The following TENM2 variants were observed in gnomAD, a reference collection of about 807,000 sequenced individuals.
The protein encoded by TENM2 is teneurin transmembrane protein 2, also known as teneurin-2.
In TENM2, 52 loss-of-function variants were observed where a neutral mutation model predicts 245.2. That is an observed-to-expected ratio of 0.21 (90% CI 0.17 to 0.27). The LOEUF is 0.27. Among genes scored for constraint, TENM2 ranks in the 10% least tolerant of loss-of-function variants. The pLI, the probability that TENM2 is intolerant of heterozygous loss-of-function variation, is 1.00. For missense variants in TENM2, 3,046 were observed against 3,666.8 expected, an observed-to-expected ratio of 0.83 and a Z score of 4.37; for synonymous variants, 1,363 against 1,438.9, an observed-to-expected ratio of 0.95 and a Z score of 1.19.
At chr5:167,797,428 C>T (rs1765398222) in intron 2 of TENM2, among the ~76,000 whole-genome samples, 1 of 152,136 alleles carries the variant, frequency 6.6e-6, no homozygotes, top group East Asian at 1.9e-4. Context: ...TAGGGAACTT[C>T]TTGTTTAGAA....
chr5:167,395,425 T>A (rs1428701562), intron 2 of TENM2, among the ~76,000 whole-genome samples: 1 of 152,180 alleles, frequency 6.6e-6, no homozygotes, highest in African/African-American at 2.4e-5. Context: ...TTTCTGCATA[T>A]AAGATTGTGT....
At chr5:167,653,365 C>T (rs908929539) in intron 2 of TENM2, 1 of 152,128 alleles carries the variant, frequency 6.6e-6, no homozygotes, top group Non-Finnish European at 1.5e-5. Context: ...AGACAATCCT[C>T]CCACCTTGGC....
At chr5:167,551,103 A>G (rs898991250) in intron 2 of TENM2, among the ~76,000 whole-genome samples, 6 of 152,206 alleles carry the variant, frequency 3.9e-5, no homozygotes, top group African/African-American at 1.4e-4. Context: ...TATGGTGATG[A>G]GAGATTAAAT....
the TENM2 span, among the ~76,000 whole-genome samples, chr5:167,079,473 C>G: frequency 6.6e-6 from 1 of 150,940 alleles, no homozygotes; most frequent in Non-Finnish European, 1.5e-5. Context: ...GCCACCATGC[C>G]TGGCAAATTT....
intron 2 of TENM2, among the ~76,000 whole-genome samples, chr5:167,467,528 A>AC (rs1427480165): frequency 2.0e-5 from 3 of 151,924 alleles, no homozygotes; most frequent in East Asian, 1.9e-4. Flanking sequence ...AAAAAAAAAA[A>AC]AAACAGTAAC....
chr5:167,507,618 CATGAGTAATA>C (rs1249368486), intron 2 of TENM2, among the ~76,000 whole-genome samples: 2 of 152,132 alleles, frequency 1.3e-5, no homozygotes, highest in East Asian at 3.9e-4. Context: ...GCACTAGTGT[CATGAGTAATA>C]ATGGCTTCCC....
chr5:168,189,557 C>A (rs1331842745), intron 13 of TENM2, among the ~76,000 whole-genome samples: 1 of 152,134 alleles, frequency 6.6e-6, no homozygotes, highest in African/African-American at 2.4e-5. Context: ...GAAGACAGAA[C>A]CAGAAACTAC....
At chr5:167,539,891 A>G (rs1772087623) in intron 2 of TENM2, among the ~76,000 whole-genome samples, 1 of 152,156 alleles carries the variant, frequency 6.6e-6, no homozygotes, top group South Asian at 2.1e-4. Flanking sequence ...GACCCTATTC[A>G]TTTCAGCTTC....
At chr5:167,853,655 C>T (rs1770812950) in intron 2 of TENM2, among the ~76,000 whole-genome samples, 1 of 152,172 alleles carries the variant, frequency 6.6e-6, no homozygotes, top group Non-Finnish European at 1.5e-5. Context: ...AATTTCTCCA[C>T]CCTTAATATG....
the TENM2 span, among the ~76,000 whole-genome samples, chr5:167,023,509 T>A: frequency 2.0e-5 from 3 of 152,206 alleles, no homozygotes; most frequent in Non-Finnish European, 4.4e-5. Context: ...AGACTCACCA[T>A]GTGAGCATAA....
At chr5:168,128,812 G>A (rs995005669) in intron 12 of TENM2, 4 of 152,202 alleles carry the variant, frequency 2.6e-5, no homozygotes, top group Admixed American at 6.5e-5. Flanking sequence ...ACAATGATAC[G>A]AAATTCACAT....
At chr5:166,979,260 G>C in the TENM2 span, among the ~76,000 whole-genome samples, 6 of 151,780 alleles carry the variant, frequency 4.0e-5, no homozygotes, top group Non-Finnish European at 8.8e-5. Context: ...ATCGAGCTCA[G>C]CGGCACAGCA....
intron 2 of TENM2, among the ~76,000 whole-genome samples, chr5:167,687,434 G>C (rs1352276380): frequency 6.6e-6 from 1 of 152,116 alleles, no homozygotes; most frequent in Non-Finnish European, 1.5e-5. Flanking sequence ...TGGAAGCATT[G>C]GGAGAGGGAA....
At chr5:167,205,779 C>A in the TENM2 span, among the ~76,000 whole-genome samples, 29 of 152,230 alleles carry the variant, frequency 1.9e-4, no homozygotes, top group African/African-American at 7.0e-4. Flanking sequence ...TATCAGCAAG[C>A]CTGCATCTCT....
chr5:167,143,069 C>G, the TENM2 span, among the ~76,000 whole-genome samples: 7 of 152,310 alleles, frequency 4.6e-5, 1 homozygote, highest in Admixed American at 2.0e-4. Context: ...ATTGCCCACA[C>G]TGTCCATTTG....
chr5:168,185,870 GGTTATA>G (rs1760343783), intron 13 of TENM2, among the ~76,000 whole-genome samples: 1 of 142,132 alleles, frequency 7.0e-6, no homozygotes, highest in Non-Finnish European at 1.5e-5. Flanking sequence ...GGGAGTTTCT[GGTTATA>G]GTTATAGTTC....
chr5:167,294,314 C>T (rs776058917), intron 1 of TENM2: 3 of 152,118 alleles, frequency 2.0e-5, no homozygotes, highest in Non-Finnish European at 4.4e-5. Context: ...TGTGGCTGTC[C>T]AGTCTTGAAA....
chr5:167,877,409 C>G (rs1350958413), intron 3 of TENM2, among the ~76,000 whole-genome samples: 1 of 152,144 alleles, frequency 6.6e-6, no homozygotes, highest in African/African-American at 2.4e-5. Context: ...AAAAAAATTA[C>G]CTAATCAAAT....
intron 2 of TENM2, among the ~76,000 whole-genome samples, chr5:167,608,900 A>G (rs1265824815): frequency 6.6e-6 from 1 of 152,188 alleles, no homozygotes; most frequent in East Asian, 1.9e-4. Context: ...TTTGCTTTTT[A>G]GTGACTGCTG....
Sources: gnomAD v4.1 joint callset for allele counts (sites outside exome capture counted in the v4.1 genomes callset) on GRCh38, gnomAD v4.1.1 for gene constraint, MANE v1.5 for transcripts, NCBI Gene and HGNC (gene_info 2026-07-23, HGNC 2026-07-21) for gene names.